MELK: variants seen among roughly 807,000 people sequenced by gnomAD.
MELK encodes pEg3 kinase.
Under a neutral mutation model 85.0 loss-of-function variants are expected in MELK, and 81 were observed. The ratio of observed to expected loss-of-function variants is 0.95; its 90% CI spans 0.80 to 1.15. The LOEUF (loss-of-function observed/expected upper bound fraction) is 1.15, where lower values mean the gene tolerates loss of function less well. MELK is among the 50% of genes most tolerant of loss of function. MELK has a pLI of 0.00. For synonymous variants in MELK, 252 were observed against 265.0 expected (o/e 0.95, Z 0.48); for missense variants, 754 against 777.5 (o/e 0.97, Z 0.36).
intron 12 of MELK, among the ~76,000 whole-genome samples, chr9:36,652,505 G>A (rs906689869): frequency 6.6e-6 from 1 of 151,184 alleles, no homozygotes; most frequent in Non-Finnish European, 1.5e-5. Context: ...GCCAAGGCAG[G>A]TGGATCACAA....
intron 7 of MELK, among the ~76,000 whole-genome samples, chr9:36,604,321 C>T (rs1472091301): frequency 2.2e-5 from 3 of 136,818 alleles, no homozygotes; most frequent in South Asian, 2.4e-4. Context: ...TCTTGTCCCC[C>T]AGGCTGGAGT....
At chr9:36,666,993 C>T (rs1832441404) in intron 14 of MELK, among the ~76,000 whole-genome samples, 1 of 151,558 alleles carries the variant, frequency 6.6e-6, no homozygotes. Context: ...GCAATGGTAG[C>T]TGCTATTGCA....
intron 8 of MELK, among the ~76,000 whole-genome samples, chr9:36,608,383 G>A: frequency 6.8e-6 from 1 of 147,468 alleles, no homozygotes; most frequent in Admixed American, 6.9e-5. Flanking sequence ...CTCTTATTCT[G>A]CCTAATGTAT....
intron 17 of MELK, 148 bp downstream of exon 17, chr9:36,675,085 A>C: frequency 1.9e-6 from 1 of 519,276 alleles, no homozygotes; most frequent in Non-Finnish European, 3.5e-6. Flanking sequence ...CAAGAGTTCA[A>C]GTTCAGCCTG....
chr9:36,628,847 T>A (rs1828195185), intron 8 of MELK, among the ~76,000 whole-genome samples: 1 of 151,944 alleles, frequency 6.6e-6, no homozygotes, highest in African/African-American at 2.4e-5. Flanking sequence ...TAAGTACTCT[T>A]ATGGTTTTGT....
At chr9:36,576,268 GC>G (rs1398197279) in intron 1 of MELK, among the ~76,000 whole-genome samples, 4 of 152,068 alleles carry the variant, frequency 2.6e-5, no homozygotes, top group African/African-American at 9.7e-5. Flanking sequence ...TCTAATGTTT[GC>G]CTACTGTGTT....
intron 14 of MELK, among the ~76,000 whole-genome samples, chr9:36,667,454 C>A (rs576674088): frequency 7.9e-5 from 12 of 152,194 alleles, no homozygotes; most frequent in Non-Finnish European, 1.8e-4. Context: ...TTGTGCCCGG[C>A]CCAGGGCTTT....
At chr9:36,633,654 TA>T (rs1265643563) in intron 10 of MELK, among the ~76,000 whole-genome samples, 1 of 152,186 alleles carries the variant, frequency 6.6e-6, no homozygotes, top group Non-Finnish European at 1.5e-5. Flanking sequence ...TAAAAACTAA[TA>T]TGATAAAACT....
intron 3 of MELK, among the ~76,000 whole-genome samples, chr9:36,584,173 T>C (rs1019081516): frequency 2.0e-5 from 3 of 148,638 alleles, no homozygotes; most frequent in Non-Finnish European, 4.5e-5. Context: ...GCCCGGCTAA[T>C]TTTTTGTATT....
chr9:36,606,639 GTATA>G (rs1418293573), intron 7 of MELK, among the ~76,000 whole-genome samples: 1 of 145,980 alleles, frequency 6.9e-6, no homozygotes, highest in Non-Finnish European at 1.5e-5. Context: ...GGACATATAT[GTATA>G]TATGGACACA....
intron 3 of MELK, among the ~76,000 whole-genome samples, chr9:36,587,536 T>C (rs1387513134): frequency 9.2e-5 from 14 of 151,604 alleles, no homozygotes; most frequent in Non-Finnish European, 2.1e-4. Flanking sequence ...AGGCTTGTCT[T>C]GAACTCCTGA....
intron 7 of MELK, among the ~76,000 whole-genome samples, chr9:36,606,357 T>TA (rs369156215): frequency 7.3e-6 from 1 of 136,064 alleles, no homozygotes; most frequent in Non-Finnish European, 1.5e-5. Context: ...GGTGTGTATA[T>TA]AATATATACA....
chr9:36,653,685 A>G lies in MELK; in HGVS notation c.1053+1808A>G, dbSNP rs192930217. ...AGGAAATTGTACCTCATCCTCAGAG[A>G]AAGGTAGTTGGTTGGCCCTGTTTAT... is the stretch of plus-strand genomic sequence containing the variant. On this transcript the variant is annotated intron_variant, in intron 12 of 17. Transcript: ENST00000298048. 3.4e-3 allele frequency among the ~76,000 whole-genome samples: 524 copies of G among 152,236 alleles called. 2 individuals carry two copies. The highest frequency in any genetic ancestry group is 0.012 in the African/African-American group (495 of 41,532).
intron 3 of MELK, among the ~76,000 whole-genome samples, chr9:36,584,494 A>ATT (rs1015431561): frequency 0.02 from 1,803 of 88,606 alleles, 43 homozygotes; most frequent in African/African-American, 0.071. Context: ...ATTTTTTTGT[A>ATT]TTTTTTTTTT....
At chr9:36,656,957 T>C (rs1203308851) in intron 12 of MELK, among the ~76,000 whole-genome samples, 2 of 152,190 alleles carry the variant, frequency 1.3e-5, no homozygotes, top group African/African-American at 4.8e-5. Context: ...TAAATACTTA[T>C]TGTTGTGTTA....
chr9:36,611,610 G>C (rs1168188529), intron 8 of MELK, among the ~76,000 whole-genome samples: 1 of 151,962 alleles, frequency 6.6e-6, no homozygotes, highest in Non-Finnish European at 1.5e-5. Context: ...TCTATCTGTG[G>C]ACTTTGGTAA....
At chr9:36,627,515 T>G (rs1828056247) in intron 8 of MELK, among the ~76,000 whole-genome samples, 1 of 140,044 alleles carries the variant, frequency 7.1e-6, no homozygotes, top group Non-Finnish European at 1.5e-5. Context: ...ACCCATTCTC[T>G]CTCTCTCTCT....
intron 8 of MELK, among the ~76,000 whole-genome samples, chr9:36,621,316 A>AAAAAAAAAAAAAAAAC (rs1827423250): frequency 7.6e-6 from 1 of 132,276 alleles, no homozygotes; most frequent in African/African-American, 3.0e-5. Flanking sequence ...AAAAAAAAAA[A>AAAAAAAAAAAAAAAAC]ACTTGAGTAG....
intron 15 of MELK, among the ~76,000 whole-genome samples, chr9:36,669,740 G>T (rs1033131918): frequency 1.3e-5 from 2 of 152,162 alleles, no homozygotes; most frequent in African/African-American, 4.8e-5. Flanking sequence ...TCCTCTAACA[G>T]ATTGTAGTCC....
Sources: allele counts gnomAD v4.1 joint callset (sites outside exome capture counted in the v4.1 genomes callset), GRCh38; gene constraint gnomAD v4.1.1; transcripts MANE v1.5; gene names NCBI Gene and HGNC (gene_info 2026-07-23, HGNC 2026-07-21).